The following MEGF11 variants were observed in gnomAD, a reference collection of about 807,000 sequenced individuals.
The protein encoded by MEGF11 is multiple EGF like domains 11.
Under a neutral mutation model 146.6 loss-of-function variants are expected in MEGF11, and 126 were observed. The ratio of observed to expected loss-of-function variants is 0.86; its 90% confidence interval spans 0.74 to 1.00. The LOEUF (loss-of-function observed/expected upper bound fraction) is 1.00. Among genes scored for constraint, MEGF11 ranks in the 50% least tolerant of loss-of-function variants. MEGF11 has a pLI of 0.00. For missense variants in MEGF11, 1,509 were observed against 1,521.2 expected, an observed-to-expected ratio of 0.99 and a Z score of 0.13; for synonymous variants, 532 against 583.4, an observed-to-expected ratio of 0.91 and a Z score of 1.27.
chr15:66,135,770 G>A (rs1448075021), intron 1 of MEGF11, among the ~76,000 whole-genome samples: 1 of 152,304 alleles, frequency 6.6e-6, no homozygotes, highest in East Asian at 1.9e-4. Context: ...GGCTCAGAGA[G>A]CCATACTTCC....
In MEGF11 at chr15:65,918,033, C is replaced by T. The variant is rs772560309; in HGVS notation, c.2019G>A (p.Gly673=). 8 of 1,613,992 alleles carry T rather than the reference C, an allele frequency of 5.0e-6. No homozygotes were observed. Among genetic ancestry groups the T allele is most frequent in the South Asian group, 2.2e-5 (2 of 91,086 alleles). The change falls in exon 16 of 26, where the codon GGG becomes GGA. Residue 673 remains glycine, a synonymous_variant. Transcript: ENST00000395614. ...CAQLCSCANN[G]TCSPIDGSCQ... is the part of the protein sequence containing the mutation. ...AGGAGCCATCGATAGGGCTGCAGGT[C>T]CCGTTGTTGGCACAGGAGCAGAGCT...
rs199745872 is a variant in MEGF11 at position 65,964,889 on chromosome 15, G to T, written c.1112+19C>A. 1.4e-6 allele frequency: 2 copies of T among 1,460,544 alleles called. No individual in the cohort carries two copies. 90.5% of individuals were successfully genotyped at this position (1,460,544 alleles called of 1,614,324 possible). On this transcript the variant is annotated intron_variant, in intron 9 of 25. Transcript: ENST00000395614. The stretch of plus-strand genomic sequence containing the variant: ...CACCCCCCGCCCTTGTCCCGGGCTC[G>T]CCCATTCCCAGCTCATACCTGATGG...
intron 10 of MEGF11, among the ~76,000 whole-genome samples, chr15:65,952,588 G>A (rs1484167710): frequency 6.6e-6 from 1 of 152,156 alleles, no homozygotes; most frequent in African/African-American, 2.4e-5. Context: ...CGAGGACCCT[G>A]GATTCTAAGA....
chr15:66,093,720 T>G (rs756726967), intron 5 of MEGF11, among the ~76,000 whole-genome samples: 5 of 152,124 alleles, frequency 3.3e-5, no homozygotes, highest in South Asian at 2.1e-4. Flanking sequence ...TGGCAGAGAA[T>G]TCCCTGAACT....
intron 4 of MEGF11, among the ~76,000 whole-genome samples, chr15:66,101,545 C>T (rs1020561864): frequency 7.2e-5 from 11 of 152,248 alleles, no homozygotes; most frequent in African/African-American, 2.2e-4. Context: ...GGCCACAGCA[C>T]TGACTTCTCT....
intron 10 of MEGF11, among the ~76,000 whole-genome samples, chr15:65,933,161 G>A (rs538993653): frequency 1.1e-3 from 164 of 152,236 alleles, no homozygotes; most frequent in African/African-American, 3.7e-3. Flanking sequence ...AAGGCCCCAC[G>A]GTTCCTGCTC....
intron 24 of MEGF11, among the ~76,000 whole-genome samples, chr15:65,900,890 G>C (rs772642816): frequency 4.6e-5 from 7 of 152,210 alleles, no homozygotes; most frequent in Non-Finnish European, 1.0e-4. Context: ...CACCAGCAAG[G>C]CCTAAAGGGA....
chr15:65,912,853 C>T (rs1251355968), intron 20 of MEGF11, among the ~76,000 whole-genome samples: 1 of 152,184 alleles, frequency 6.6e-6, no homozygotes, highest in Non-Finnish European at 1.5e-5. Flanking sequence ...CAACACTTAG[C>T]AGGAATGGGC....
At chr15:65,915,898 G>T (rs2078981956) in intron 18 of MEGF11, among the ~76,000 whole-genome samples, 1 of 152,008 alleles carries the variant, frequency 6.6e-6, no homozygotes, top group Admixed American at 6.5e-5. Flanking sequence ...AAAAAATCCT[G>T]CCTCCCACTA....
intron 5 of MEGF11, among the ~76,000 whole-genome samples, chr15:66,079,325 T>C (rs2085734535): frequency 6.6e-6 from 1 of 152,036 alleles, no homozygotes; most frequent in South Asian, 2.1e-4. Flanking sequence ...CCCTAACAAC[T>C]CTAGTGGGGA....
At chr15:65,944,574 G>A (rs193180503) in intron 10 of MEGF11, among the ~76,000 whole-genome samples, 189 of 152,238 alleles carry the variant, frequency 1.2e-3, no homozygotes, top group Non-Finnish European at 2.4e-3. Context: ...GGCCTTGAGC[G>A]ACAGGCATGA....
intron 1 of MEGF11, among the ~76,000 whole-genome samples, chr15:66,174,657 A>T (rs1226641773): frequency 6.6e-6 from 1 of 151,654 alleles, no homozygotes; most frequent in Non-Finnish European, 1.5e-5. Context: ...AAATAGAGCC[A>T]CAGGGAAGAA....
chr15:65,987,147 G>T (rs942229224), intron 5 of MEGF11, among the ~76,000 whole-genome samples: 1 of 152,138 alleles, frequency 6.6e-6, no homozygotes, highest in East Asian at 1.9e-4. Context: ...CTTCTTCACC[G>T]ACAGGCTTTT....
Position 65,957,585 on chromosome 15 carries a change from T to C in MEGF11, c.1249A>G (p.Ser417Gly). 6.2e-7 allele frequency: 1 copy of C among 1,613,848 alleles called. No homozygotes were observed. Among genetic ancestry groups the C allele is most frequent in the Non-Finnish European group, 8.5e-7 (1 of 1,179,844 alleles). The change falls in exon 10 of 26, where the codon AGC becomes GGC. Residue 417 changes from serine (S) to glycine (G), a missense_variant. Coordinates refer to ENST00000395614, the MANE Select transcript of MEGF11 (RefSeq NM_001385028.1). ...CTCQNGADCHSITGGCTCAPG... is the reference protein window; with the variant it reads ...CTCQNGADCHGITGGCTCAPG... ...GCACAAGTGCAGCCCCCAGTGATGC[T>C]GTGGCAGTCGGCGCCATTCTGACAG... is the stretch of plus-strand genomic sequence containing the variant.
rs1469789792 is a variant in MEGF11 at position 65,895,341 on chromosome 15, C to T, written c.*2593G>A. ...TTTTATTTTGTACAAGGTACAATCC[C>T]TCTGCACAGTGAACATATATTACAA... On this transcript the variant is annotated 3_prime_UTR_variant, in exon 26 of 26. Transcript: ENST00000395614. 2.0e-5 allele frequency: 3 copies of T among 152,604 alleles called. No homozygotes were observed. The highest frequency in any genetic ancestry group is 4.4e-5 in the Non-Finnish European group (3 of 68,036). The allele number at this position is 152,604 out of a possible 1,614,324, so 9.5% of individuals were successfully genotyped here.
chr15:66,031,696 A>G (rs2083528088), intron 5 of MEGF11, among the ~76,000 whole-genome samples: 1 of 152,144 alleles, frequency 6.6e-6, no homozygotes, highest in African/African-American at 2.4e-5. Context: ...TTGAGCAACT[A>G]CTTATCTTCT....
In MEGF11 at chr15:66,123,969, G is replaced by A; in HGVS notation, c.130C>T (p.His44Tyr). 1.7e-5 allele frequency: 28 copies of A among 1,613,936 alleles called. No individual in the cohort carries two copies. The highest frequency in any genetic ancestry group is 2.4e-5 in the Non-Finnish European group (28 of 1,179,828). Reference protein sequence around the residue: ...YAVTVQESYAHPFDQIYYTRC... With the variant: ...YAVTVQESYAYPFDQIYYTRC... Reference sequence around the variant, plus strand: ...GTGTAATAGATCTGATCGAAGGGGTGTGCATACGATTCCTGGACAGTCACA... The same window carrying A: ...GTGTAATAGATCTGATCGAAGGGGTATGCATACGATTCCTGGACAGTCACA... Residue 44 changes from histidine to tyrosine, a missense_variant, in exon 3 of 26, where the codon CAC becomes TAC. Coordinates refer to ENST00000395614, the MANE Select transcript of MEGF11 (RefSeq NM_001385028.1).
intron 1 of MEGF11, among the ~76,000 whole-genome samples, chr15:66,166,844 G>T (rs921342362): frequency 1.3e-5 from 2 of 151,986 alleles, no homozygotes; most frequent in African/African-American, 4.8e-5. Context: ...CAGCAATCCT[G>T]GATAAATAAA....
At position 65,929,802 on chromosome 15, in the gene MEGF11, T is replaced by C. The variant is rs766895687; in HGVS notation, c.1490A>G (p.Asn497Ser). Reference sequence around the variant, plus strand: ...GTCTATGGGGCTGCAGGCTGCCCCATTGGCACAGGTGCAGCTCTCGTTGCA... The same window carrying C: ...GTCTATGGGGCTGCAGGCTGCCCCACTGGCACAGGTGCAGCTCTCGTTGCA... The part of the protein sequence containing the change: ...LNCNESCTCA[N>S]GAACSPIDGS... Residue 497 changes from asparagine to serine, a missense_variant, in exon 12 of 26, where the codon AAT (asparagine) becomes AGT (serine). By Grantham distance (46) the Asn-to-Ser change is conservative (BLOSUM62 1). Coordinates refer to ENST00000395614, the MANE Select transcript of MEGF11 (RefSeq NM_001385028.1). The C allele has an allele frequency of 4.5e-6, 7 of 1,572,984 alleles. No individual in the cohort carries two copies. The highest frequency in any genetic ancestry group is 2.4e-5 in the East Asian group (1 of 42,326).
Sources: allele counts gnomAD v4.1 joint callset (sites outside exome capture counted in the v4.1 genomes callset), GRCh38; gene constraint gnomAD v4.1.1; transcripts MANE v1.5; gene names NCBI Gene and HGNC (gene_info 2026-07-23, HGNC 2026-07-21).